SHH: variants seen among roughly 807,000 people sequenced by gnomAD.
SHH encodes sonic hedgehog signaling molecule.
SHH carries 3 observed loss-of-function variants against 16.6 expected under a neutral mutation model. The ratio of observed to expected loss-of-function variants is 0.18; its 90% CI spans 0.08 to 0.47. SHH has a LOEUF of 0.47. Among genes scored for constraint, SHH ranks in the 20% least tolerant of loss-of-function variants. SHH has a pLI of 0.98. For synonymous variants in SHH, 351 were observed against 316.2 expected (o/e 1.11, Z -1.17); for missense variants, 499 against 665.0 (o/e 0.75, Z 2.75).
At chr7:155,811,740 A>AC in intron 1 of SHH, 83 bp downstream of exon 1, 1 of 1,379,654 alleles carries the variant, frequency 7.2e-7, no homozygotes, top group South Asian at 1.2e-5. Context: ...CCGAAGAGCA[A>AC]ACAGAGTTAA....
intron 2 of SHH, among the ~76,000 whole-genome samples, chr7:155,804,762 G>A (rs1803304913): frequency 6.6e-6 from 1 of 151,742 alleles, no homozygotes; most frequent in African/African-American, 2.4e-5. Context: ...AATAATTGAA[G>A]TTGGGGCGGA....
chr7:155,801,785 A>G lies in SHH; in HGVS notation c.*1115T>C, dbSNP rs1803185874. 6.6e-6 allele frequency: 1 copy of G among 152,250 alleles called. No homozygotes were observed. The highest frequency in any genetic ancestry group is 1.5e-5 in the Non-Finnish European group (1 of 68,046). 9.4% of individuals were successfully genotyped at this position (152,250 alleles called of 1,614,324 possible). On this transcript the variant is annotated 3_prime_UTR_variant, in exon 3 of 3. Transcript: ENST00000297261. ...CAGCGCTAGGTTTCCCAAACAAAGA[A>G]GCCAAAAACTAAAAGAAAAAGGGCT...
At position 155,812,190 on chromosome 7, in the gene SHH, G is replaced by T; in HGVS notation, c.-68C>A. On this transcript the variant is annotated 5_prime_UTR_variant, in exon 1 of 3. Coordinates refer to ENST00000297261, the MANE Select transcript of SHH (RefSeq NM_000193.4). Reference sequence around the variant, plus strand: ...GTCCGTGCGCGAGTGCGCGCGGCGGGTGTGTGCGTGTGCGCTCTCTCTTGC... The same window carrying T: ...GTCCGTGCGCGAGTGCGCGCGGCGGTTGTGTGCGTGTGCGCTCTCTCTTGC... 1 of 1,440,112 alleles carries T rather than the reference G, an allele frequency of 6.9e-7. No homozygotes were observed. The highest frequency in any genetic ancestry group is 9.8e-7 in the Non-Finnish European group (1 of 1,023,422). 89.2% of individuals were successfully genotyped at this position (1,440,112 alleles called of 1,614,324 possible).
At chr7:155,811,760 T>G in intron 1 of SHH, 63 bp downstream of exon 1, 1 of 1,495,260 alleles carries the variant, frequency 6.7e-7, no homozygotes, top group Non-Finnish European at 9.3e-7. Context: ...AGTCTGGAAG[T>G]GTTCGGCTTC....
intron 1 of SHH, 162 bp from the exon 2 acceptor site, chr7:155,806,719 C>T (rs559818345): frequency 7.0e-6 from 6 of 857,396 alleles, no homozygotes; most frequent in South Asian, 5.7e-5. Flanking sequence ...ACCGAAGAGC[C>T]GGGCCCTGGG....
At chr7:155,805,532 C>A (rs76248920) in intron 2 of SHH, among the ~76,000 whole-genome samples, 1 of 152,242 alleles carries the variant, frequency 6.6e-6, no homozygotes, top group Non-Finnish European at 1.5e-5. Context: ...TTTATGCGGG[C>A]GGAGAAGAGC....
At position 155,803,417 on chromosome 7, in the gene SHH, G is replaced by T; in HGVS notation, c.872C>A (p.Ser291Ter). The T allele has an allele frequency of 6.6e-7, 1 of 1,526,426 alleles. No homozygotes were observed. 94.6% of individuals were successfully genotyped at this position (1,526,426 alleles called of 1,614,324 possible). ...ATGEPEASSG[S>*]GPPSGGALGP... ...CAGTGCGCCCCCGGAAGGCGGCCCC[G>T]AGCCCGAGGACGCCTCGGGCTCCCC... is the stretch of plus-strand genomic sequence containing the variant. The change falls in exon 3 of 3, where the codon TCG becomes TAG. Residue 291 changes from serine (S) to a stop codon, truncating the protein, a stop_gained. Transcript: ENST00000297261. LOFTEE classifies it low-confidence loss of function (END_TRUNC).
Position 155,803,068 on chromosome 7 carries a change from C to CCCGCGGTCCCCGCCG in SHH, c.1206_1220dup (p.Asp405_Gly409dup). On this transcript the variant is annotated inframe_insertion, in exon 3 of 3. Transcript: ENST00000297261. ...TTAGGGCTACTCTGCCGCCGCCGCC[C>CCCGCGGTCCCCGCCG]CCGCGGTCCCCGCCGCCGCTGTCCC... 7.2e-7 allele frequency: 1 copy of CCCGCGGTCCCCGCCG among 1,380,000 alleles called. No individual in the cohort carries two copies. Among genetic ancestry groups the CCCGCGGTCCCCGCCG allele is most frequent in the African/African-American group, 1.5e-5 (1 of 66,950 alleles). 85.5% of individuals were successfully genotyped at this position (1,380,000 alleles called of 1,614,324 possible). A position where few individuals can be genotyped will look rare whatever the true frequency, so the allele number is the denominator to read the frequency against.
At chr7:155,805,109 G>A (rs1173340458) in intron 2 of SHH, among the ~76,000 whole-genome samples, 1 of 151,812 alleles carries the variant, frequency 6.6e-6, no homozygotes, top group Non-Finnish European at 1.5e-5. Flanking sequence ...GGCGCGATCC[G>A]GGGGATGGAT....
At position 155,802,234 on chromosome 7, in the gene SHH, C is replaced by T. The variant is rs947640834; in HGVS notation, c.*666G>A. The T allele has an allele frequency of 6.6e-6, 1 of 151,952 alleles. No individual in the cohort carries two copies. The highest frequency in any genetic ancestry group is 1.5e-5 in the Non-Finnish European group (1 of 68,000). 9.4% of individuals were successfully genotyped at this position (151,952 alleles called of 1,614,324 possible). ...ACAACAGAGGAGATGGCTGTTACAT[C>T]GGAAACTAGTTAAATTAAAATAATA... On this transcript the variant is annotated 3_prime_UTR_variant, in exon 3 of 3. Transcript: ENST00000297261.
chr7:155,804,166 C>G (rs549590571), intron 2 of SHH, among the ~76,000 whole-genome samples: 2 of 150,988 alleles, frequency 1.3e-5, no homozygotes, highest in Non-Finnish European at 3.0e-5. Flanking sequence ...CCTCCCGCCC[C>G]GGCGCGGGGC....
At chr7:155,811,327 A>G in intron 1 of SHH, among the ~76,000 whole-genome samples, 1 of 152,196 alleles carries the variant, frequency 6.6e-6, no homozygotes, top group East Asian at 1.9e-4. Context: ...GTGGTGGGAA[A>G]GAAAACCACA....
chr7:155,803,898 C>A (rs925894539), intron 2 of SHH, among the ~76,000 whole-genome samples, 172 bp from the exon 3 acceptor site: 2 of 151,822 alleles, frequency 1.3e-5, no homozygotes, highest in Non-Finnish European at 2.9e-5. Flanking sequence ...CCTCCCTCCC[C>A]CAACCCCACT....
chr7:155,803,001 C>A lies in SHH; in HGVS notation c.1288G>T (p.Ala430Ser). The A allele has an allele frequency of 4.5e-6, 7 of 1,566,642 alleles. No homozygotes were observed. Among genetic ancestry groups the A allele is most frequent in the Admixed American group, 3.7e-5 (2 of 54,664 alleles). Residue 430 changes from alanine to serine, a missense_variant, in exon 3 of 3, where the codon GCG (alanine) becomes TCG (serine). By Grantham distance (99) the Ala-to-Ser change is moderately conservative. Transcript: ENST00000297261. ...AGCTGCGAGTACCAGTGGATGCCCG[C>A]GGTGGCCCCCGCACCCGGAGCGTCG... is the stretch of plus-strand genomic sequence containing the variant. ...AADAPGAGAT[A>S]GIHWYSQLLY...
rs922736359 is a variant in SHH, at chr7:155,809,896, C to A, written c.300+1927G>T. Among the ~76,000 whole-genome samples the A allele has an allele frequency of 9.2e-5, 14 of 151,570 alleles. No individual in the cohort carries two copies. The highest frequency in any genetic ancestry group is 1.8e-4 in the Non-Finnish European group (12 of 67,770). On this transcript the variant is annotated intron_variant, in intron 1 of 2. Transcript: ENST00000297261. This position sits in a 1 kb window ranked among gnomAD's most constrained non-coding sequence, Gnocchi z 6.1. ...CGCGGAGGCCTAGAGGCCAGGCAGG[C>A]GGCGGACTGGGGATGGGGGCGCGTC...
In SHH at chr7:155,807,045, G is replaced by C. The variant is rs1489124280; in HGVS notation, c.301-488C>G. On this transcript the variant is annotated intron_variant, in intron 1 of 2. Transcript: ENST00000297261. This position sits in a 1 kb window ranked among gnomAD's most constrained non-coding sequence, Gnocchi z 7.1. ...AATCCCTCACAGCAGGCCTGACAGAGACCTGGGCGCAAGTTCCCAGAAATA... is the reference window on the plus strand; with the variant it reads ...AATCCCTCACAGCAGGCCTGACAGACACCTGGGCGCAAGTTCCCAGAAATA... 1 of 232,724 alleles carries C rather than the reference G, an allele frequency of 4.3e-6. No individual in the cohort carries two copies. Among genetic ancestry groups the C allele is most frequent in the African/African-American group, 2.3e-5 (1 of 44,336 alleles). The allele number at this position is 232,724 out of a possible 1,614,324, so 14.4% of individuals were successfully genotyped here.
chr7:155,805,564 C>T (rs986486340), intron 2 of SHH, among the ~76,000 whole-genome samples: 34 of 152,220 alleles, frequency 2.2e-4, no homozygotes, highest in Admixed American at 2.0e-3. Flanking sequence ...AGCCTCGGGC[C>T]GGAGGTTTGC....
At position 155,803,314 on chromosome 7, in the gene SHH, G is replaced by C; in HGVS notation, c.975C>G (p.Arg325=). Residue 325 remains arginine (R), a synonymous_variant, in exon 3 of 3, where the codon CGC becomes CGG. Transcript: ENST00000297261. The stretch of plus-strand genomic sequence containing the variant: ...TGTGCACAGCGGCGGGCAGGAGCCG[G>C]CGGTCCCCGTCACGCTCGGCCACCA... The part of the protein sequence containing the change: ...VYVVAERDGD[R]RLLPAAVHSV... 1 of 1,477,730 alleles carries C rather than the reference G, an allele frequency of 6.8e-7. No homozygotes were observed. Among genetic ancestry groups the C allele is most frequent in the Non-Finnish European group, 8.9e-7 (1 of 1,121,996 alleles). The allele number at this position is 1,477,730 out of a possible 1,614,324, so 91.5% of individuals were successfully genotyped here.
chr7:155,807,669 G>T lies in SHH; in HGVS notation c.301-1112C>A, dbSNP rs1358063961. ...GCAGTTGAATCCACTGTGTGTGTTT[G>T]TGGGGGCACTGACTTGCTTCCTGGA... On this transcript the variant is annotated intron_variant, in intron 1 of 2. Coordinates refer to ENST00000297261, the MANE Select transcript of SHH (RefSeq NM_000193.4). The surrounding 1 kb of genome is among the most constrained non-coding windows in gnomAD (Gnocchi z 7.1). Among the ~76,000 whole-genome samples, 2 of 152,216 alleles carry T rather than the reference G, an allele frequency of 1.3e-5. No individual in the cohort carries two copies. The highest frequency in any genetic ancestry group is 3.8e-4 in the East Asian group (2 of 5,196).
Sources: allele counts gnomAD v4.1 joint callset (sites outside exome capture counted in the v4.1 genomes callset), GRCh38; gene constraint gnomAD v4.1.1; non-coding constraint Gnocchi (gnomAD v3.1); transcripts MANE v1.5; gene names NCBI Gene and HGNC (gene_info 2026-07-23, HGNC 2026-07-21).